USH2A: variants seen among roughly 807,000 people sequenced by gnomAD.
USH2A encodes the protein Usher syndrome 2A (autosomal recessive, mild).
In USH2A, 443 loss-of-function variants were observed where a neutral mutation model predicts 538.9. The ratio of observed to expected loss-of-function variants is 0.82; its 90% confidence interval spans 0.76 to 0.89. The LOEUF is 0.89. Ranked by LOEUF, USH2A falls within the 40% of genes least tolerant of loss-of-function variation. The pLI, the probability that USH2A is intolerant of heterozygous loss-of-function variation, is 0.00. For synonymous variants in USH2A, 2,413 were observed against 2,273.5 expected (o/e 1.06, Z -1.75); for missense variants, 6,633 against 6,324.8 (o/e 1.05, Z -1.65).
intron 60 of USH2A, among the ~76,000 whole-genome samples, chr1:215,735,057 T>C (rs1244315788): frequency 3.9e-5 from 6 of 152,212 alleles, no homozygotes. Context: ...GTTCTTGTGT[T>C]GCAATAAAGA....
intron 38 of USH2A, among the ~76,000 whole-genome samples, chr1:215,927,353 T>G (rs1666261481): frequency 6.6e-6 from 1 of 152,108 alleles, no homozygotes; most frequent in Non-Finnish European, 1.5e-5. Flanking sequence ...AATCAAACTA[T>G]GCATTATGAA....
intron 61 of USH2A, among the ~76,000 whole-genome samples, chr1:215,724,013 G>T (rs183990693): frequency 6.6e-6 from 1 of 152,078 alleles, no homozygotes; most frequent in African/African-American, 2.4e-5. Context: ...ATTCACAATA[G>T]CAAAGATATT....
At chr1:215,877,146 G>A (rs1664792278) in intron 43 of USH2A, among the ~76,000 whole-genome samples, 1 of 152,172 alleles carries the variant, frequency 6.6e-6, no homozygotes, top group South Asian at 2.1e-4. Flanking sequence ...TGATTTTTAA[G>A]TAGTGAAGCT....
intron 50 of USH2A, among the ~76,000 whole-genome samples, chr1:215,793,374 G>GA (rs959470290): frequency 2.0e-5 from 3 of 151,368 alleles, no homozygotes; most frequent in African/African-American, 4.9e-5. Flanking sequence ...AGGCCTAGAA[G>GA]AAAAAAAAGG....
At chr1:216,199,595 C>G (rs1343499311) in intron 17 of USH2A, 32 bp downstream of exon 17, 1 of 1,613,122 alleles carries the variant, frequency 6.2e-7, no homozygotes, top group Non-Finnish European at 8.5e-7. Flanking sequence ...ATGTCTTGAC[C>G]AAAAAGGGGA....
chr1:215,687,185 G>T (rs932786973), intron 61 of USH2A, among the ~76,000 whole-genome samples: 11 of 152,032 alleles, frequency 7.2e-5, no homozygotes, highest in Non-Finnish European at 1.3e-4. Flanking sequence ...CCTAGCTCTG[G>T]GTTCTAGCTA....
rs1401060040 is a variant in USH2A at position 216,232,112 on chromosome 1, G to T, written c.2834C>A (p.Ala945Asp). The change falls in exon 14 of 72, where the codon GCC becomes GAC. Residue 945 changes from alanine to aspartate, a missense_variant. Ala to Asp is a moderately radical substitution (Grantham distance 126). Transcript: ENST00000307340. ...GCATGAGCATGGCAGGCAGCCAGTG[G>T]CATTGCCTGGAGAAATATAAAAACC... ...QPGFYISPGN[A>D]TGCLPCSCHT... is the part of the protein sequence containing the mutation. The T allele has an allele frequency of 2.5e-6, 4 of 1,613,498 alleles. No homozygotes were observed. The highest frequency in any genetic ancestry group is 1.1e-5 in the South Asian group (1 of 90,938).
chr1:215,717,717 A>G (rs1047085484), intron 61 of USH2A, among the ~76,000 whole-genome samples: 3 of 152,168 alleles, frequency 2.0e-5, no homozygotes, highest in African/African-American at 7.2e-5. Context: ...ACTGAATTAG[A>G]TTTGATGTGT....
intron 2 of USH2A, among the ~76,000 whole-genome samples, chr1:216,419,472 T>C (rs1314506812): frequency 1.3e-5 from 2 of 152,126 alleles, no homozygotes; most frequent in Non-Finnish European, 2.9e-5. Context: ...TTGAGGTCTC[T>C]TCTTCACCTG....
At chr1:216,252,760 A>G (rs1165941475) in intron 11 of USH2A, among the ~76,000 whole-genome samples, 2 of 152,224 alleles carry the variant, frequency 1.3e-5, no homozygotes, top group African/African-American at 4.8e-5. Context: ...TCTCAGTCTT[A>G]TTCAGATCTA....
chr1:215,995,580 C>G (rs1237784159), intron 34 of USH2A, among the ~76,000 whole-genome samples: 1 of 151,266 alleles, frequency 6.6e-6, no homozygotes, highest in Non-Finnish European at 1.5e-5. Context: ...GCACCAGAGG[C>G]CACTACATTC....
chr1:216,163,496 G>A (rs1157141077), intron 21 of USH2A, among the ~76,000 whole-genome samples: 3 of 151,348 alleles, frequency 2.0e-5, no homozygotes, highest in African/African-American at 4.9e-5. Context: ...CTTATCTTTT[G>A]GTTATTTGGC....
intron 3 of USH2A, among the ~76,000 whole-genome samples, chr1:216,399,203 G>C (rs1472772304): frequency 6.6e-6 from 1 of 152,090 alleles, no homozygotes; most frequent in Non-Finnish European, 1.5e-5. Flanking sequence ...GACTAAACAA[G>C]GACACGAGAG....
chr1:216,271,660 A>G (rs1351833046), intron 11 of USH2A, among the ~76,000 whole-genome samples: 1 of 152,082 alleles, frequency 6.6e-6, no homozygotes, highest in Non-Finnish European at 1.5e-5. Flanking sequence ...GTTTTTGCAG[A>G]TGCCCTTTTC....
chr1:215,887,296 G>A (rs1378496840), intron 41 of USH2A, among the ~76,000 whole-genome samples: 1 of 151,950 alleles, frequency 6.6e-6, no homozygotes, highest in Non-Finnish European at 1.5e-5. Context: ...TTGCATCATA[G>A]TGATTGGTAC....
intron 70 of USH2A, among the ~76,000 whole-genome samples, chr1:215,631,788 G>T (rs1331919415): frequency 6.6e-6 from 1 of 152,106 alleles, no homozygotes; most frequent in Non-Finnish European, 1.5e-5. Flanking sequence ...GAATCAGTTG[G>T]GTGCCACTGT....
chr1:216,304,879 A>C (rs943997826), intron 9 of USH2A, among the ~76,000 whole-genome samples: 3 of 151,560 alleles, frequency 2.0e-5, no homozygotes, highest in Non-Finnish European at 2.9e-5. Context: ...GGTCTGAGAG[A>C]GTACTTGATA....
At chr1:216,120,071 T>A (rs1447091852) in intron 21 of USH2A, among the ~76,000 whole-genome samples, 1 of 152,086 alleles carries the variant, frequency 6.6e-6, no homozygotes, top group Non-Finnish European at 1.5e-5. Context: ...AGCAGATACA[T>A]ATTTTTTTCA....
intron 21 of USH2A, among the ~76,000 whole-genome samples, chr1:216,113,876 T>C (rs920996941): frequency 2.6e-5 from 4 of 151,732 alleles, no homozygotes; most frequent in African/African-American, 9.7e-5. Context: ...TATTTAATTT[T>C]CTGGAAAAAA....
Sources: allele counts gnomAD v4.1 joint callset (sites outside exome capture counted in the v4.1 genomes callset), GRCh38; gene constraint gnomAD v4.1.1; transcripts MANE v1.5; gene names NCBI Gene and HGNC (gene_info 2026-07-23, HGNC 2026-07-21).